The following SPIRE1 variants were observed in gnomAD, a reference collection of about 807,000 sequenced individuals.
The protein encoded by SPIRE1 is protein spire homolog 1.
SPIRE1 carries 40 observed loss-of-function variants against 94.1 expected under a neutral mutation model. The ratio of observed to expected loss-of-function variants is 0.43; its 90% CI spans 0.33 to 0.55. SPIRE1 has a LOEUF of 0.55. Among genes scored for constraint, SPIRE1 ranks in the 20% least tolerant of loss-of-function variants. SPIRE1 has a pLI of 0.06. For synonymous variants in SPIRE1, 376 were observed against 371.7 expected, an observed-to-expected ratio of 1.01 and a Z score of -0.13; for missense variants, 838 against 975.2, an observed-to-expected ratio of 0.86 and a Z score of 1.87.
At chr18:12,524,459 A>T (rs2034444451) in intron 4 of SPIRE1, among the ~76,000 whole-genome samples, 2 of 152,214 alleles carry the variant, frequency 1.3e-5, no homozygotes. Context: ...TTTAAACAGC[A>T]TAGCTATTTA....
At chr18:12,574,385 A>G (rs899901144) in intron 2 of SPIRE1, among the ~76,000 whole-genome samples, 1 of 152,208 alleles carries the variant, frequency 6.6e-6, no homozygotes, top group Non-Finnish European at 1.5e-5. Flanking sequence ...CTTGGGATGC[A>G]TAGTAATAGG....
At chr18:12,640,196 T>C (rs1450713627) in intron 1 of SPIRE1, among the ~76,000 whole-genome samples, 1 of 152,190 alleles carries the variant, frequency 6.6e-6, no homozygotes, top group Non-Finnish European at 1.5e-5. Context: ...TCAATATGAT[T>C]CAAACTAGCT....
chr18:12,615,236 G>A (rs750743253), intron 2 of SPIRE1, among the ~76,000 whole-genome samples: 29 of 146,610 alleles, frequency 2.0e-4, no homozygotes, highest in Non-Finnish European at 4.2e-4. Flanking sequence ...GCTGAGGCAG[G>A]AGAATTGCTT....
intron 4 of SPIRE1, among the ~76,000 whole-genome samples, chr18:12,514,184 A>G (rs926723864): frequency 6.6e-6 from 1 of 152,160 alleles, no homozygotes; most frequent in African/African-American, 2.4e-5. Flanking sequence ...TGGTATGCAC[A>G]CTGGCTGCCA....
At chr18:12,656,100 TG>T (rs2038531005) in intron 1 of SPIRE1, among the ~76,000 whole-genome samples, 1 of 152,176 alleles carries the variant, frequency 6.6e-6, no homozygotes, top group Non-Finnish European at 1.5e-5. Context: ...GGTTTCACCA[TG>T]TTGGCCAGGC....
At chr18:12,512,321 G>A in intron 5 of SPIRE1, 133 bp downstream of exon 5, 2 of 593,838 alleles carry the variant, frequency 3.4e-6, no homozygotes, top group South Asian at 2.3e-5. Flanking sequence ...CGGGAGGTGG[G>A]GGTTGCAGTG....
intron 2 of SPIRE1, among the ~76,000 whole-genome samples, chr18:12,615,345 A>ATAAAAAATAAAAAAAAATAT (rs1555632289): frequency 5.8e-5 from 1 of 17,242 alleles, no homozygotes; most frequent in African/African-American, 1.2e-4. Flanking sequence ...AAAAAAAAAA[A>ATAAAAAATAAAAAAAAATAT]ATATATATAT....
chr18:12,487,338 G>A (rs2033073600), intron 8 of SPIRE1, among the ~76,000 whole-genome samples: 1 of 151,798 alleles, frequency 6.6e-6, no homozygotes, highest in South Asian at 2.1e-4. Flanking sequence ...ATCCACTCGG[G>A]GTCTTGGCAT....
chr18:12,492,982 G>A, intron 8 of SPIRE1, 90 bp downstream of exon 8: 1 of 1,415,390 alleles, frequency 7.1e-7, no homozygotes, highest in Non-Finnish European at 9.5e-7. Context: ...AACAAGGAAT[G>A]AGAACTCTTT....
chr18:12,482,321 T>A (rs2032872506), intron 9 of SPIRE1, among the ~76,000 whole-genome samples: 1 of 152,036 alleles, frequency 6.6e-6, no homozygotes, highest in South Asian at 2.1e-4. Flanking sequence ...TTTTTTGTAT[T>A]TTTAGTAGAG....
intron 12 of SPIRE1, chr18:12,459,655 C>CT: frequency 1.5e-6 from 1 of 649,894 alleles, no homozygotes; most frequent in African/African-American, 2.0e-5. Context: ...AAGCAAAGTG[C>CT]TATCTAAGCG....
intron 2 of SPIRE1, among the ~76,000 whole-genome samples, chr18:12,566,049 C>A (rs1028949007): frequency 2.0e-5 from 3 of 147,508 alleles, no homozygotes; most frequent in Non-Finnish European, 3.0e-5. Flanking sequence ...AAAAAAAATT[C>A]TTTAGGCTGG....
At chr18:12,613,847 T>A (rs556570585) in intron 2 of SPIRE1, among the ~76,000 whole-genome samples, 71 of 152,328 alleles carry the variant, frequency 4.7e-4, no homozygotes, top group African/African-American at 1.6e-3. Flanking sequence ...GCCAAGATTG[T>A]GCCACTACAC....
intron 2 of SPIRE1, among the ~76,000 whole-genome samples, chr18:12,624,788 C>A (rs1443504957): frequency 6.8e-6 from 1 of 147,442 alleles, no homozygotes; most frequent in Admixed American, 6.8e-5. Flanking sequence ...GCCGAGATCA[C>A]GCCACTGCAC....
At chr18:12,634,551 C>T (rs978675074) in intron 2 of SPIRE1, among the ~76,000 whole-genome samples, 6 of 152,086 alleles carry the variant, frequency 3.9e-5, no homozygotes, top group African/African-American at 1.2e-4. Flanking sequence ...CTTTATAACA[C>T]AACCTGACGT....
At chr18:12,582,819 T>C (rs2036291265) in intron 2 of SPIRE1, among the ~76,000 whole-genome samples, 2 of 152,190 alleles carry the variant, frequency 1.3e-5, no homozygotes, top group Non-Finnish European at 2.9e-5. Flanking sequence ...ATTGAACACT[T>C]ACCACCCAAA....
intron 10 of SPIRE1, among the ~76,000 whole-genome samples, chr18:12,470,357 A>T (rs1005430658): frequency 3.3e-5 from 5 of 152,198 alleles, no homozygotes; most frequent in Non-Finnish European, 5.9e-5. Flanking sequence ...CATACAATAT[A>T]CTGAAATGTT....
intron 2 of SPIRE1, among the ~76,000 whole-genome samples, chr18:12,624,542 CAAAAA>C (rs549240260): frequency 1.3e-5 from 1 of 75,668 alleles, no homozygotes; most frequent in Non-Finnish European, 2.6e-5. Flanking sequence ...GACACTGACT[CAAAAA>C]AAAAAAAAAA....
intron 2 of SPIRE1, among the ~76,000 whole-genome samples, chr18:12,604,910 C>G (rs992590690): frequency 1.3e-5 from 2 of 152,094 alleles, no homozygotes; most frequent in African/African-American, 4.8e-5. Context: ...AAAATATGAT[C>G]CAGCCTTCAA....
Sources: allele counts gnomAD v4.1 joint callset (sites outside exome capture counted in the v4.1 genomes callset), GRCh38; gene constraint gnomAD v4.1.1; transcripts MANE v1.5; gene names NCBI Gene and HGNC (gene_info 2026-07-23, HGNC 2026-07-21).